The following ZNHIT6 variants were observed in gnomAD, a reference collection of about 807,000 sequenced individuals.
ZNHIT6 encodes the protein zinc finger HIT-type containing 6, also known as box C/D snoRNA protein 1.
Under a neutral mutation model 57.2 loss-of-function variants are expected in ZNHIT6, and 45 were observed. That is an observed-to-expected ratio of 0.79 (90% CI 0.62 to 1.01). The LOEUF is 1.01. Among genes scored for constraint, ZNHIT6 ranks in the 50% least tolerant of loss-of-function variants. ZNHIT6 has a pLI of 0.00. For missense variants in ZNHIT6, 528 were observed against 567.3 expected (o/e 0.93, Z 0.70); for synonymous variants, 188 against 190.0 (o/e 0.99, Z 0.09).
intron 4 of ZNHIT6, 28 bp downstream of exon 4, chr1:85,706,050 A>G: frequency 6.4e-7 from 1 of 1,557,050 alleles, no homozygotes; most frequent in Non-Finnish European, 8.7e-7. Flanking sequence ...AGGACTTCTA[A>G]CTGGAAGAAA....
chr1:85,664,839 T>A (rs116638643), intron 8 of ZNHIT6, among the ~76,000 whole-genome samples: 8,612 of 152,238 alleles, frequency 0.057, 357 homozygotes, highest in Middle Eastern at 0.1. Context: ...GTTGTTGTTT[T>A]GTTTTGTTTT....
intron 9 of ZNHIT6, among the ~76,000 whole-genome samples, chr1:85,656,024 C>A (rs187805442): frequency 6.6e-6 from 1 of 152,262 alleles, no homozygotes; most frequent in South Asian, 2.1e-4. Context: ...ACTTTTTTAC[C>A]TCCAGAGAGG....
chr1:85,704,826 G>A (rs965233632), intron 4 of ZNHIT6, among the ~76,000 whole-genome samples: 2 of 152,076 alleles, frequency 1.3e-5, no homozygotes, highest in South Asian at 4.1e-4. Flanking sequence ...TCCAGGATAC[G>A]ATTTAATCAC....
intron 6 of ZNHIT6, among the ~76,000 whole-genome samples, chr1:85,679,733 C>G (rs1240735466): frequency 2.0e-5 from 3 of 151,720 alleles, no homozygotes; most frequent in South Asian, 4.2e-4. Flanking sequence ...TACAGGGGTG[C>G]GCCACTTCCC....
In ZNHIT6 at chr1:85,706,169, A is replaced by C. The variant is rs754203390; in HGVS notation, c.830-6T>G. On this transcript the variant is annotated splice_polypyrimidine_tract_variant and splice_region_variant and intron_variant, in intron 3 of 9. Coordinates refer to ENST00000370574, the MANE Select transcript of ZNHIT6 (RefSeq NM_017953.4). Reference sequence around the variant, plus strand: ...ATCTTCCAAAAATCGATAATCTAAAAATTTCAAAACAGAAGAATAAACAAG... The same window carrying C: ...ATCTTCCAAAAATCGATAATCTAAACATTTCAAAACAGAAGAATAAACAAG... The C allele has an allele frequency of 8.1e-6, 13 of 1,613,170 alleles. No homozygotes were observed. The highest frequency in any genetic ancestry group is 3.3e-5 in the South Asian group (3 of 90,936).
At chr1:85,676,464 C>G (rs575043864) in intron 8 of ZNHIT6, among the ~76,000 whole-genome samples, 2 of 152,128 alleles carry the variant, frequency 1.3e-5, no homozygotes, top group African/African-American at 2.4e-5. Flanking sequence ...CAGGAGAGGC[C>G]TAGCTTTCAG....
chr1:85,678,375 G>A (rs1219694146), intron 7 of ZNHIT6, among the ~76,000 whole-genome samples: 2 of 152,102 alleles, frequency 1.3e-5, no homozygotes. Context: ...TAGCTTCCCT[G>A]TTTACTAGCT....
intron 8 of ZNHIT6, among the ~76,000 whole-genome samples, chr1:85,672,724 G>T (rs1308323395): frequency 6.7e-6 from 1 of 148,534 alleles, no homozygotes; most frequent in African/African-American, 2.5e-5. Flanking sequence ...TATATGCCTA[G>T]AAGATTAAAT....
intron 8 of ZNHIT6, among the ~76,000 whole-genome samples, chr1:85,675,069 T>A (rs375695279): frequency 1.8e-3 from 267 of 152,298 alleles, no homozygotes; most frequent in African/African-American, 6.2e-3. Context: ...TGAGAAGAGC[T>A]GCAGTAATGC....
At position 85,651,559 on chromosome 1, in the gene ZNHIT6, G is replaced by C. The variant is rs929092009; in HGVS notation, c.*2499C>G. ...CCAATTCATATTTATAAAAGGAATA[G>C]GTACAAGTTTTATTTACTATAATTT... On this transcript the variant is annotated 3_prime_UTR_variant, in exon 10 of 10. Coordinates refer to ENST00000370574, the MANE Select transcript of ZNHIT6 (RefSeq NM_017953.4). 4 of 151,966 alleles carry C rather than the reference G, an allele frequency of 2.6e-5. No homozygotes were observed. The highest frequency in any genetic ancestry group is 2.6e-4 in the Admixed American group (4 of 15,238). 9.4% of individuals were successfully genotyped at this position (151,966 alleles called of 1,614,324 possible).
At chr1:85,676,227 T>C (rs537530296) in intron 8 of ZNHIT6, among the ~76,000 whole-genome samples, 1 of 149,314 alleles carries the variant, frequency 6.7e-6, no homozygotes, top group Non-Finnish European at 1.5e-5. Context: ...TCCCAGCTAC[T>C]CAAGAGACTG....
At chr1:85,693,729 A>G (rs1662281965) in intron 5 of ZNHIT6, among the ~76,000 whole-genome samples, 1 of 152,226 alleles carries the variant, frequency 6.6e-6, no homozygotes, top group African/African-American at 2.4e-5. Context: ...ACTGTTCTCA[A>G]TAGTGGCAAA....
chr1:85,707,877 C>G lies in ZNHIT6; in HGVS notation c.408G>C (p.Glu136Asp), dbSNP rs1160149282. The change falls in exon 1 of 10, where the codon GAG becomes GAC. Residue 136 changes from glutamate to aspartate, a missense_variant. Glu to Asp is a conservative substitution (Grantham distance 45). Coordinates refer to ENST00000370574, the MANE Select transcript of ZNHIT6 (RefSeq NM_017953.4). The stretch of plus-strand genomic sequence containing the variant: ...CTTCCTTTACCTTCTCTTCCTTTAC[C>G]TCTGGTTCACCCACCTTCGCTTCTT... ...VVKEAKVGEP[E>D]VKEEKVKEEV... 1 of 1,613,892 alleles carries G rather than the reference C, an allele frequency of 6.2e-7. No homozygotes were observed. Among genetic ancestry groups the G allele is most frequent in the Non-Finnish European group, 8.5e-7 (1 of 1,180,024 alleles).
In ZNHIT6 at chr1:85,697,927, G is replaced by A. The variant is rs78680114; in HGVS notation, c.1019+4230C>T. Among the ~76,000 whole-genome samples the A allele has an allele frequency of 3.9e-5, 6 of 152,050 alleles. No homozygotes were observed. The East Asian group carries it at 1.2e-3, about 29-fold the overall frequency. On this transcript the variant is annotated intron_variant, in intron 5 of 9. Coordinates refer to ENST00000370574, the MANE Select transcript of ZNHIT6 (RefSeq NM_017953.4). The stretch of plus-strand genomic sequence containing the variant: ...TTTCAACAGATTTGATTAGTACTGG[G>A]TGAAAGTGAACATAAAGCTATAGAC...
At chr1:85,682,462 G>A (rs1661908578) in intron 5 of ZNHIT6, among the ~76,000 whole-genome samples, 1 of 152,040 alleles carries the variant, frequency 6.6e-6, no homozygotes, top group Non-Finnish European at 1.5e-5. Flanking sequence ...ATTCTTGCTT[G>A]AGTAATTTCA....
At chr1:85,667,961 A>AAAAAAAAAAAAAAATATATATATATATAT in intron 8 of ZNHIT6, among the ~76,000 whole-genome samples, 3 of 18,198 alleles carry the variant, frequency 1.6e-4, no homozygotes, top group Non-Finnish European at 3.0e-4. Context: ...AAAAAAAAAA[A>AAAAAAAAAAAAAAATATATATATATATAT]ATATATATAT....
rs752665126 is a variant in ZNHIT6, at chr1:85,678,762, T to C, written c.1108A>G (p.Ile370Val). 15 of 1,580,252 alleles carry C rather than the reference T, an allele frequency of 9.5e-6. No homozygotes were observed. Among genetic ancestry groups the C allele is most frequent in the Middle Eastern group, 1.7e-4 (1 of 6,014 alleles). Residue 370 changes from isoleucine (I) to valine (V), a missense_variant, in exon 7 of 10, where the codon ATT becomes GTT. By Grantham distance (29) the Ile-to-Val change is conservative. Transcript: ENST00000370574. Reference protein sequence around the residue: ...IEKRVPDDKTINEILKPYIDP... With the variant: ...IEKRVPDDKTVNEILKPYIDP... ...ATGTAAGGTTTTAGGATTTCATTAATAGTTTTATCATCTGGTACTCTTTAC... is the reference window on the plus strand; with the variant it reads ...ATGTAAGGTTTTAGGATTTCATTAACAGTTTTATCATCTGGTACTCTTTAC...
intron 5 of ZNHIT6, among the ~76,000 whole-genome samples, chr1:85,691,463 G>A (rs1283623306): frequency 1.3e-5 from 2 of 152,220 alleles, no homozygotes; most frequent in Non-Finnish European, 2.9e-5. Context: ...ACTCAAAAAT[G>A]AGATGACAAA....
chr1:85,677,309 T>G lies in ZNHIT6; in HGVS notation c.1174A>C (p.Lys392Gln). 6.2e-7 allele frequency: 1 copy of G among 1,604,978 alleles called. No individual in the cohort carries two copies. Among genetic ancestry groups the G allele is most frequent in the Admixed American group, 1.7e-5 (1 of 57,924 alleles). Residue 392 changes from lysine to glutamine, a missense_variant, in exon 8 of 10, where the codon AAA (lysine) becomes CAA (glutamine). Physicochemically the swap from Lys to Gln is moderately conservative, Grantham distance 53 (BLOSUM62 1). Transcript: ENST00000370574. Reference sequence around the variant, plus strand: ...CCAGTCTGAGAGCGAATGTAGGCTTTCAACCTGAAATAAAAACATCATATT... The same window carrying G: ...CCAGTCTGAGAGCGAATGTAGGCTTGCAACCTGAAATAAAAACATCATATT... Reference protein sequence around the residue: ...KSDPVIRQRLKAYIRSQTGVQ... With the variant: ...KSDPVIRQRLQAYIRSQTGVQ...
Sources: gnomAD v4.1 joint callset for allele counts (sites outside exome capture counted in the v4.1 genomes callset) on GRCh38, gnomAD v4.1.1 for gene constraint, MANE v1.5 for transcripts, NCBI Gene and HGNC (gene_info 2026-07-23, HGNC 2026-07-21) for gene names.